Variants in EPHA4 observed in about 807,000 individuals in gnomAD.
EPHA4 encodes ephrin type-A receptor 4.
EPHA4 carries 19 observed loss-of-function variants against 108.3 expected under a neutral mutation model. The ratio of observed to expected loss-of-function variants is 0.18; its 90% confidence interval spans 0.12 to 0.26. The LOEUF (loss-of-function observed/expected upper bound fraction) is 0.26, where lower values mean the gene tolerates loss of function less well. Ranked by LOEUF, EPHA4 falls within the 10% of genes least tolerant of loss-of-function variation. The pLI is 1.00. For synonymous variants in EPHA4, 449 were observed against 455.5 expected, an observed-to-expected ratio of 0.99 and a Z score of 0.18; for missense variants, 917 against 1,254.0, an observed-to-expected ratio of 0.73 and a Z score of 4.06.
At chr2:221,443,691 CA>C in intron 9 of EPHA4, 85 bp from the exon 10 acceptor site, 1 of 1,007,136 alleles carries the variant, frequency 9.9e-7, no homozygotes, top group Non-Finnish European at 1.5e-6. Context: ...AATTACCAAA[CA>C]TAGGAAAAGT....
At chr2:221,458,762 G>A (rs572525662) in intron 5 of EPHA4, among the ~76,000 whole-genome samples, 3 of 152,118 alleles carry the variant, frequency 2.0e-5, no homozygotes, top group Admixed American at 6.5e-5. Context: ...TCACTTCTCC[G>A]CTGCAGTGGT....
At chr2:221,499,526 T>G (rs930064141) in intron 4 of EPHA4, among the ~76,000 whole-genome samples, 24 of 149,760 alleles carry the variant, frequency 1.6e-4, no homozygotes, top group African/African-American at 4.9e-4. Flanking sequence ...GCAATTTGAA[T>G]ATAAAGTCAG....
chr2:221,555,588 C>T (rs947573341), intron 3 of EPHA4, among the ~76,000 whole-genome samples: 4 of 152,204 alleles, frequency 2.6e-5, no homozygotes, highest in Admixed American at 6.5e-5. Context: ...CTTAATTACC[C>T]TCCAGATCAT....
At chr2:221,536,698 C>T (rs1017715711) in intron 3 of EPHA4, among the ~76,000 whole-genome samples, 1 of 152,132 alleles carries the variant, frequency 6.6e-6, no homozygotes, top group Non-Finnish European at 1.5e-5. Flanking sequence ...GAGAATATGA[C>T]CAAATCAGGA....
intron 3 of EPHA4, among the ~76,000 whole-genome samples, chr2:221,552,553 G>A (rs1694193599): frequency 6.6e-6 from 1 of 152,194 alleles, no homozygotes; most frequent in Non-Finnish European, 1.5e-5. Context: ...AGCCAGAAAG[G>A]TATTGATCCA....
intron 3 of EPHA4, among the ~76,000 whole-genome samples, chr2:221,552,683 A>G (rs1053856911): frequency 1.3e-5 from 2 of 152,356 alleles, no homozygotes; most frequent in East Asian, 3.9e-4. Context: ...CTGAAAACAA[A>G]TGAATCCAAG....
chr2:221,436,529 T>C lies in EPHA4; in HGVS notation c.2216A>G (p.Asp739Gly), dbSNP rs762721061. 1 of 1,614,168 alleles carries C rather than the reference T, an allele frequency of 6.2e-7. No individual in the cohort carries two copies. ...CAGATCACGATGCACATAGCTCATA[T>C]CAGATAAATACTTCATCCCAGACCC... ...GIGSGMKYLS[D>G]MSYVHRDLAA... The change falls in exon 13 of 18, where the codon GAT becomes GGT. Residue 739 changes from aspartate to glycine, a missense_variant. This residue lies in a region of EPHA4 where 758 missense variants were observed against 1,076.7 expected (regional missense o/e 0.70). Transcript: ENST00000281821.
chr2:221,505,156 G>A lies in EPHA4; in HGVS notation c.824-3984C>T, dbSNP rs75911889. Among the ~76,000 whole-genome samples, 516 of 152,084 alleles carry A rather than the reference G, an allele frequency of 3.4e-3. 1 individual carries two copies. The highest frequency in any genetic ancestry group is 4.9e-3 in the Admixed American group (74 of 15,254). On this transcript the variant is annotated intron_variant, in intron 3 of 17. Coordinates refer to ENST00000281821, the MANE Select transcript of EPHA4 (RefSeq NM_004438.5). Reference sequence around the variant, plus strand: ...GTTACTGAGCACTTGAGATATGGCCGGTCAATGAATACTGGCTGTGAGTAT... The same window carrying A: ...GTTACTGAGCACTTGAGATATGGCCAGTCAATGAATACTGGCTGTGAGTAT...
intron 5 of EPHA4, among the ~76,000 whole-genome samples, chr2:221,473,424 G>C (rs1691553070): frequency 6.6e-6 from 1 of 151,990 alleles, no homozygotes; most frequent in Non-Finnish European, 1.5e-5. Flanking sequence ...GGGATGTTGA[G>C]ACTCAGAAGA....
chr2:221,557,334 T>C (rs1249405605), intron 3 of EPHA4, among the ~76,000 whole-genome samples: 1 of 152,170 alleles, frequency 6.6e-6, no homozygotes, highest in Admixed American at 6.5e-5. Context: ...ATGAAATGGT[T>C]TCTTTGTTGG....
chr2:221,445,997 G>A, intron 9 of EPHA4, 126 bp downstream of exon 9: 1 of 431,424 alleles, frequency 2.3e-6, no homozygotes, highest in Non-Finnish European at 3.8e-6. Flanking sequence ...TACATTATTG[G>A]GATAAGGAAT....
intron 5 of EPHA4, among the ~76,000 whole-genome samples, chr2:221,459,469 G>C (rs1328709063): frequency 6.6e-6 from 1 of 151,994 alleles, no homozygotes. Context: ...GCATGCGGCA[G>C]ACATATGGAA....
At chr2:221,511,049 G>A (rs1474521246) in intron 3 of EPHA4, among the ~76,000 whole-genome samples, 1 of 152,128 alleles carries the variant, frequency 6.6e-6, no homozygotes, top group East Asian at 1.9e-4. Flanking sequence ...CAAAAGCAAT[G>A]AGGCCACCAA....
chr2:221,519,205 G>A (rs530703812), intron 3 of EPHA4, among the ~76,000 whole-genome samples: 1 of 152,112 alleles, frequency 6.6e-6, no homozygotes, highest in Non-Finnish European at 1.5e-5. Context: ...CAACAGCTAG[G>A]GTGGCTATAA....
intron 3 of EPHA4, among the ~76,000 whole-genome samples, chr2:221,510,910 C>A (rs769064284): frequency 4.6e-5 from 7 of 152,176 alleles, no homozygotes; most frequent in Non-Finnish European, 1.0e-4. Flanking sequence ...TGAAGAGTAA[C>A]TTCCACTGTC....
intron 5 of EPHA4, among the ~76,000 whole-genome samples, chr2:221,472,102 T>C (rs570969697): frequency 6.6e-6 from 1 of 152,250 alleles, no homozygotes; most frequent in South Asian, 2.1e-4. Context: ...GGTTATCTTA[T>C]TTCTTTATCT....
At chr2:221,540,932 C>CTTT (rs762353327) in intron 3 of EPHA4, among the ~76,000 whole-genome samples, 35 of 120,622 alleles carry the variant, frequency 2.9e-4, no homozygotes, top group African/African-American at 6.2e-4. Flanking sequence ...GGAAAACTGT[C>CTTT]TTTTTTTTTT....
At chr2:221,490,852 T>C (rs1316047127) in intron 4 of EPHA4, among the ~76,000 whole-genome samples, 1 of 152,228 alleles carries the variant, frequency 6.6e-6, no homozygotes, top group Non-Finnish European at 1.5e-5. Context: ...CTATCTGCTG[T>C]GGGTTAGTTT....
intron 4 of EPHA4, among the ~76,000 whole-genome samples, chr2:221,492,867 T>C (rs923079691): frequency 1.3e-5 from 2 of 152,246 alleles, no homozygotes; most frequent in African/African-American, 4.8e-5. Context: ...AATCTGAGTT[T>C]TTGTCCTATG....
Sources: allele counts gnomAD v4.1 joint callset (sites outside exome capture counted in the v4.1 genomes callset), GRCh38; gene constraint gnomAD v4.1.1; regional missense constraint gnomAD v4.1.1; transcripts MANE v1.5; gene names NCBI Gene and HGNC (gene_info 2026-07-23, HGNC 2026-07-21).